GABRB3: variants seen among roughly 807,000 people sequenced by gnomAD.
GABRB3 encodes gamma-aminobutyric acid receptor subunit beta-3.
Under a neutral mutation model 52.1 loss-of-function variants are expected in GABRB3, and 14 were observed. The observed-to-expected ratio is 0.27, with a 90% CI of 0.18 to 0.42. The LOEUF (loss-of-function observed/expected upper bound fraction) is 0.42. Ranked by LOEUF, GABRB3 falls within the 10% of genes least tolerant of loss-of-function variation. The probability of loss-of-function intolerance (pLI) is 1.00; values close to 1 mark genes in which losing one functional copy is unlikely to be tolerated. For synonymous variants in GABRB3, 260 were observed against 232.3 expected, an observed-to-expected ratio of 1.12 and a Z score of -1.08; for missense variants, 307 against 609.1, an observed-to-expected ratio of 0.50 and a Z score of 5.22.
At chr15:26,566,715 G>A (rs1890191018) in intron 7 of GABRB3, among the ~76,000 whole-genome samples, 1 of 152,098 alleles carries the variant, frequency 6.6e-6, no homozygotes. Context: ...TTGGGTGACA[G>A]AGTGAGACTC....
chr15:26,708,180 T>C (rs1173215601), intron 3 of GABRB3, among the ~76,000 whole-genome samples: 1 of 152,222 alleles, frequency 6.6e-6, no homozygotes, highest in Non-Finnish European at 1.5e-5. Flanking sequence ...AATAAAAATG[T>C]TCATGTTCTT....
At chr15:26,713,480 A>C (rs1434449488) in intron 3 of GABRB3, among the ~76,000 whole-genome samples, 1 of 152,078 alleles carries the variant, frequency 6.6e-6, no homozygotes, top group Non-Finnish European at 1.5e-5. Flanking sequence ...GCCCCGAAAC[A>C]CAATGCTGGG....
intron 7 of GABRB3, among the ~76,000 whole-genome samples, chr15:26,567,368 G>T (rs1334102759): frequency 6.6e-6 from 1 of 151,982 alleles, no homozygotes; most frequent in Non-Finnish European, 1.5e-5. Flanking sequence ...CCCTTTCATG[G>T]GCATGAAAAT....
intron 4 of GABRB3, among the ~76,000 whole-genome samples, chr15:26,618,241 C>T (rs1323449607): frequency 6.6e-6 from 1 of 151,976 alleles, no homozygotes; most frequent in East Asian, 1.9e-4. Flanking sequence ...AAGCTGGAGG[C>T]ATCACGCTAC....
At chr15:26,566,905 A>AAT (rs1290723463) in intron 7 of GABRB3, among the ~76,000 whole-genome samples, 1 of 152,366 alleles carries the variant, frequency 6.6e-6, no homozygotes, top group South Asian at 2.1e-4. Context: ...GATGGATTGC[A>AAT]GATTGCATCA....
chr15:26,577,472 C>T (rs1890635293), intron 6 of GABRB3, among the ~76,000 whole-genome samples: 1 of 152,060 alleles, frequency 6.6e-6, no homozygotes, highest in Non-Finnish European at 1.5e-5. Context: ...GAAATCGTGC[C>T]ACTGCACTCC....
intron 3 of GABRB3, chr15:26,628,869 C>G: frequency 1.7e-6 from 2 of 1,157,820 alleles, no homozygotes; most frequent in Non-Finnish European, 1.2e-6. Context: ...AGTCCTCAAA[C>G]GGAGGCTCTC....
chr15:26,581,899 G>A (rs569415965), intron 5 of GABRB3, among the ~76,000 whole-genome samples: 1 of 152,182 alleles, frequency 6.6e-6, no homozygotes, highest in South Asian at 2.1e-4. Context: ...ACAAAGGCAG[G>A]TGTTTTGTCT....
At chr15:26,619,222 T>C (rs1892381091) in intron 4 of GABRB3, among the ~76,000 whole-genome samples, 1 of 151,838 alleles carries the variant, frequency 6.6e-6, no homozygotes, top group Non-Finnish European at 1.5e-5. Flanking sequence ...TGCACACGTA[T>C]GTTTATTGTG....
At chr15:26,600,201 C>T (rs888257092) in intron 4 of GABRB3, among the ~76,000 whole-genome samples, 1 of 151,306 alleles carries the variant, frequency 6.6e-6, no homozygotes, top group Non-Finnish European at 1.5e-5. Flanking sequence ...TAAACAAGAA[C>T]AACAAAAGAT....
At chr15:26,740,596 C>T (rs183533650) in intron 3 of GABRB3, among the ~76,000 whole-genome samples, 331 of 152,254 alleles carry the variant, frequency 2.2e-3, no homozygotes, top group Admixed American at 0.01. Context: ...ACCAGGACAA[C>T]CTCCCTCTGT....
intron 3 of GABRB3, among the ~76,000 whole-genome samples, chr15:26,711,528 T>A (rs768319818): frequency 6.6e-6 from 1 of 152,222 alleles, no homozygotes; most frequent in Non-Finnish European, 1.5e-5. Context: ...TGTGTGTGCA[T>A]GAGAGTGATT....
rs561656541 is a variant in GABRB3 at position 26,629,086 on chromosome 15, T to C, written c.241-7552A>G. ...CCTCCGCCACGCTAACCGGAAGTTG[T>C]GACTGTCGCTTCCTCTCCATCTCTG... On this transcript the variant is annotated intron_variant, in intron 3 of 8. Coordinates refer to ENST00000311550, the MANE Select transcript of GABRB3 (RefSeq NM_000814.6). 3 of 1,535,940 alleles carry C rather than the reference T, an allele frequency of 2.0e-6. No homozygotes were observed. In the Admixed American group the frequency reaches 5.9e-5, roughly 30 times the overall value.
chr15:26,602,504 T>G (rs1891625499), intron 4 of GABRB3, among the ~76,000 whole-genome samples: 1 of 152,256 alleles, frequency 6.6e-6, no homozygotes, highest in Admixed American at 6.5e-5. Context: ...ATAGATCATA[T>G]GTTAGGGTCA....
intron 8 of GABRB3, among the ~76,000 whole-genome samples, chr15:26,554,207 A>ATATATATATATATATATATATATTTATT (rs1348288306): frequency 3.5e-5 from 2 of 57,808 alleles, no homozygotes; most frequent in Non-Finnish European, 8.3e-5. Flanking sequence ...ATATATATAT[A>ATATATATATATATATATATATATTTATT]TAGTAGAAAC....
At chr15:26,728,323 C>T (rs1207014260) in intron 3 of GABRB3, among the ~76,000 whole-genome samples, 1 of 152,174 alleles carries the variant, frequency 6.6e-6, no homozygotes, top group African/African-American at 2.4e-5. Flanking sequence ...ATTCTGGTTC[C>T]CACACATATG....
At chr15:26,765,256 C>G (rs926630619) in intron 3 of GABRB3, among the ~76,000 whole-genome samples, 3 of 152,054 alleles carry the variant, frequency 2.0e-5, no homozygotes, top group South Asian at 4.1e-4. Flanking sequence ...AATATCCTCA[C>G]CAGCGCTTAC....
intron 3 of GABRB3, among the ~76,000 whole-genome samples, chr15:26,658,183 G>C (rs1887432033): frequency 1.3e-5 from 2 of 152,106 alleles, no homozygotes; most frequent in Admixed American, 1.3e-4. Flanking sequence ...AAAACAAGAA[G>C]ACAGTTTTGG....
intron 6 of GABRB3, among the ~76,000 whole-genome samples, chr15:26,577,549 G>T (rs560389901): frequency 9.2e-5 from 14 of 152,200 alleles, no homozygotes; most frequent in Non-Finnish European, 1.6e-4. Flanking sequence ...ACTCCAAGAA[G>T]AATAATCACA....
Sources: allele counts gnomAD v4.1 joint callset (sites outside exome capture counted in the v4.1 genomes callset), GRCh38; gene constraint gnomAD v4.1.1; transcripts MANE v1.5; gene names NCBI Gene and HGNC (gene_info 2026-07-23, HGNC 2026-07-21).